VTI1A: variants seen among roughly 807,000 people sequenced by gnomAD.
VTI1A encodes the protein vesicle transport through interaction with t-SNAREs 1A.
Under a neutral mutation model 34.9 loss-of-function variants are expected in VTI1A, and 22 were observed. That is an observed-to-expected ratio of 0.63 (90% CI 0.45 to 0.90). The LOEUF (loss-of-function observed/expected upper bound fraction) is 0.90. Among genes scored for constraint, VTI1A ranks in the 40% least tolerant of loss-of-function variants. VTI1A has a pLI of 0.00. For synonymous variants in VTI1A, 87 were observed against 97.3 expected (o/e 0.89, Z 0.62); for missense variants, 268 against 275.6 (o/e 0.97, Z 0.20).
intron 3 of VTI1A, among the ~76,000 whole-genome samples, chr10:112,480,516 G>A (rs1430914983): frequency 6.6e-6 from 1 of 152,156 alleles, no homozygotes; most frequent in African/African-American, 2.4e-5. Flanking sequence ...ACCCATATGT[G>A]TGTGTGTGCA....
At chr10:112,775,328 T>C (rs1007995059) in intron 7 of VTI1A, among the ~76,000 whole-genome samples, 1 of 152,152 alleles carries the variant, frequency 6.6e-6, no homozygotes, top group Non-Finnish European at 1.5e-5. Flanking sequence ...TGGAAGAAGA[T>C]TGTGTTGTCC....
At position 112,763,307 on chromosome 10, in the gene VTI1A, G is replaced by A. The variant is rs568485723; in HGVS notation, c.561-51983G>A. Among the ~76,000 whole-genome samples, 5 of 152,200 alleles carry A rather than the reference G, an allele frequency of 3.3e-5. 1 individual carries two copies. The South Asian group carries it at 1.0e-3, about 32-fold the overall frequency. The stretch of plus-strand genomic sequence containing the variant: ...TACAAAAAATTAGCCGGGCATGGTG[G>A]CAGGCGCCTGTAGTCCCAGCTACTC... On this transcript the variant is annotated intron_variant, in intron 7 of 7. Transcript: ENST00000393077.
intron 5 of VTI1A, among the ~76,000 whole-genome samples, chr10:112,574,001 T>C (rs1370537114): frequency 1.3e-5 from 2 of 152,234 alleles, no homozygotes; most frequent in East Asian, 3.8e-4. Flanking sequence ...CTGAATATAA[T>C]TGTTCATTCT....
intron 5 of VTI1A, among the ~76,000 whole-genome samples, chr10:112,568,161 A>AG (rs1181054208): frequency 2.0e-5 from 3 of 151,356 alleles, no homozygotes; most frequent in African/African-American, 7.3e-5. Flanking sequence ...GACAGAGAAA[A>AG]AAAAATAAGT....
intron 3 of VTI1A, among the ~76,000 whole-genome samples, chr10:112,515,161 AT>A (rs1423408085): frequency 6.6e-6 from 1 of 151,990 alleles, no homozygotes; most frequent in East Asian, 1.9e-4. Context: ...ATAGGGCCAA[AT>A]TTACATATTT....
chr10:112,568,880 C>T (rs1024344057), intron 5 of VTI1A, among the ~76,000 whole-genome samples: 14 of 152,096 alleles, frequency 9.2e-5, no homozygotes, highest in African/African-American at 2.4e-4. Flanking sequence ...CTCAGCTGGG[C>T]GCGGTGGCTA....
intron 5 of VTI1A, among the ~76,000 whole-genome samples, chr10:112,606,774 T>G (rs1252815648): frequency 6.6e-6 from 1 of 152,194 alleles, no homozygotes; most frequent in Non-Finnish European, 1.5e-5. Context: ...AAGACTCACT[T>G]TTCTGTTTCC....
intron 5 of VTI1A, among the ~76,000 whole-genome samples, chr10:112,633,527 A>C (rs1325059126): frequency 6.6e-6 from 1 of 152,182 alleles, no homozygotes; most frequent in African/African-American, 2.4e-5. Context: ...TAGCAGGCAA[A>C]ACACCGGGGC....
At chr10:112,476,003 A>G (rs976769766) in intron 3 of VTI1A, among the ~76,000 whole-genome samples, 4 of 152,186 alleles carry the variant, frequency 2.6e-5, no homozygotes, top group African/African-American at 9.6e-5. Context: ...TGTTTAGATA[A>G]ATAAGCTAAA....
At chr10:112,464,777 T>C (rs1847842619) in intron 3 of VTI1A, 120 bp downstream of exon 3, 2 of 802,448 alleles carry the variant, frequency 2.5e-6, no homozygotes, top group Non-Finnish European at 4.0e-6. Flanking sequence ...GTAACAGCTT[T>C]CATTCTTTAT....
intron 7 of VTI1A, among the ~76,000 whole-genome samples, chr10:112,694,617 T>C (rs945030290): frequency 5.3e-5 from 8 of 152,072 alleles, no homozygotes; most frequent in African/African-American, 1.7e-4. Context: ...TAAACAAAGT[T>C]TGACGATTCA....
At chr10:112,539,424 T>C (rs1278050868) in intron 5 of VTI1A, among the ~76,000 whole-genome samples, 2 of 152,170 alleles carry the variant, frequency 1.3e-5, no homozygotes, top group Non-Finnish European at 2.9e-5. Context: ...TGGCATTATA[T>C]TAATAGTGAA....
intron 5 of VTI1A, among the ~76,000 whole-genome samples, chr10:112,646,018 ATCT>A (rs1389353524): frequency 5.4e-5 from 8 of 148,846 alleles, no homozygotes; most frequent in African/African-American, 2.0e-4. Flanking sequence ...ATAGAATGCT[ATCT>A]TCTTATCATC....
intron 3 of VTI1A, among the ~76,000 whole-genome samples, chr10:112,491,891 G>A (rs140041858): frequency 0.011 from 1,743 of 152,244 alleles, 13 homozygotes; most frequent in Middle Eastern, 0.024. Context: ...CTAAGCCTCC[G>A]CCTCTTCCCT....
At chr10:112,548,825 T>G in intron 5 of VTI1A, 1 of 1,495,104 alleles carries the variant, frequency 6.7e-7, no homozygotes, top group Non-Finnish European at 9.0e-7. Context: ...TCACCAGACT[T>G]TAAGAATTTA....
chr10:112,817,597 T>A lies in VTI1A; in HGVS notation c.*2214T>A, dbSNP rs1853561641. On this transcript the variant is annotated 3_prime_UTR_variant, in exon 8 of 8. Coordinates refer to ENST00000393077, the MANE Select transcript of VTI1A (RefSeq NM_145206.4). ...ACCTAGGCCAGGCTAGTGAGTGCTTTGTGAGGAAGCTGGTCAGAAGGTTCC... is the reference window on the plus strand; with the variant it reads ...ACCTAGGCCAGGCTAGTGAGTGCTTAGTGAGGAAGCTGGTCAGAAGGTTCC... The A allele has an allele frequency of 4.4e-6, 1 of 229,098 alleles. No homozygotes were observed. The highest frequency in any genetic ancestry group is 8.7e-6 in the Non-Finnish European group (1 of 115,480). The allele number at this position is 229,098 out of a possible 1,614,324, so 14.2% of individuals were successfully genotyped here. A position where few individuals can be genotyped will look rare whatever the true frequency, so the allele number is the denominator to read the frequency against.
rs539484741 is a variant in VTI1A, at chr10:112,739,332, C to A, written c.560+70334C>A. ...AAACAATTGCCCACAGTGAGGATGT[C>A]CATGGTCCCCATTTTCCCCAGTCTA... On this transcript the variant is annotated intron_variant, in intron 7 of 7. Coordinates refer to ENST00000393077, the MANE Select transcript of VTI1A (RefSeq NM_145206.4). Among the ~76,000 whole-genome samples the A allele has an allele frequency of 3.9e-5, 6 of 152,296 alleles. No individual in the cohort carries two copies. In the South Asian group the frequency reaches 1.0e-3, roughly 26 times the overall value.
intron 5 of VTI1A, among the ~76,000 whole-genome samples, chr10:112,607,177 C>T (rs1845117321): frequency 1.3e-5 from 2 of 151,954 alleles, no homozygotes; most frequent in South Asian, 2.1e-4. Flanking sequence ...ATCCCAACTA[C>T]TTGGGAGGCT....
intron 3 of VTI1A, among the ~76,000 whole-genome samples, chr10:112,479,000 G>A (rs1848374656): frequency 6.6e-6 from 1 of 151,828 alleles, no homozygotes; most frequent in African/African-American, 2.4e-5. Context: ...AACCCTGTCT[G>A]TACTAAAAAT....
Sources: allele counts gnomAD v4.1 joint callset (sites outside exome capture counted in the v4.1 genomes callset), GRCh38; gene constraint gnomAD v4.1.1; transcripts MANE v1.5; gene names NCBI Gene and HGNC (gene_info 2026-07-23, HGNC 2026-07-21).